ST18: variants seen among roughly 807,000 people sequenced by gnomAD.
The protein encoded by ST18 is ST18 C2H2C-type zinc finger transcription factor.
ST18 carries 50 observed loss-of-function variants against 110.0 expected under a neutral mutation model. The ratio of observed to expected loss-of-function variants is 0.45; its 90% CI spans 0.36 to 0.58. The LOEUF (loss-of-function observed/expected upper bound fraction) is 0.58. Among genes scored for constraint, ST18 ranks in the 20% least tolerant of loss-of-function variants. The pLI is 0.00. For missense variants in ST18, 1,306 were observed against 1,280.1 expected, an observed-to-expected ratio of 1.02 and a Z score of -0.31; for synonymous variants, 461 against 452.4, an observed-to-expected ratio of 1.02 and a Z score of -0.24.
At chr8:52,114,692 C>G (rs1278072750) in intron 25 of ST18, among the ~76,000 whole-genome samples, 1 of 152,144 alleles carries the variant, frequency 6.6e-6, no homozygotes, top group Non-Finnish European at 1.5e-5. Flanking sequence ...ACCCAGGTAG[C>G]ACAGTGGGTA....
At chr8:52,362,798 G>A (rs117226973) in intron 2 of ST18, among the ~76,000 whole-genome samples, 2,368 of 152,134 alleles carry the variant, frequency 0.016, 23 homozygotes, top group Non-Finnish European at 0.025. Context: ...TCCCCTGTAG[G>A]GTCCTTCTTA....
intron 2 of ST18, among the ~76,000 whole-genome samples, chr8:52,372,034 G>A (rs1219906220): frequency 6.6e-6 from 1 of 152,084 alleles, no homozygotes; most frequent in Non-Finnish European, 1.5e-5. Context: ...CCTTCAGGAG[G>A]GATTACAGAA....
chr8:52,317,823 T>C (rs987366414), intron 2 of ST18, among the ~76,000 whole-genome samples: 3 of 152,256 alleles, frequency 2.0e-5, no homozygotes, highest in African/African-American at 7.2e-5. Flanking sequence ...TAGTTTACCA[T>C]GTCCGTTTGA....
chr8:52,287,917 G>C (rs1474857584), intron 2 of ST18, among the ~76,000 whole-genome samples: 1 of 152,170 alleles, frequency 6.6e-6, no homozygotes, highest in Admixed American at 6.5e-5. Context: ...GGACCAAGCT[G>C]AAAGCTCTAA....
intron 17 of ST18, among the ~76,000 whole-genome samples, chr8:52,138,209 A>T (rs1414790305): frequency 6.6e-6 from 1 of 152,174 alleles, no homozygotes; most frequent in Non-Finnish European, 1.5e-5. Flanking sequence ...CACCCATTAT[A>T]TGACATATTC....
chr8:52,180,450 A>G (rs1020509141), intron 8 of ST18, 138 bp from the exon 9 acceptor site: 1 of 822,310 alleles, frequency 1.2e-6, no homozygotes, highest in Non-Finnish European at 1.9e-6. Context: ...GCACTAACAA[A>G]AACATCCCAT....
At chr8:52,143,084 A>G (rs754918749) in intron 16 of ST18, 39 bp from the exon 17 acceptor site, 2 of 1,335,554 alleles carry the variant, frequency 1.5e-6, no homozygotes, top group South Asian at 1.2e-5. Flanking sequence ...CACAGAAGCC[A>G]TTAGGGAACC....
In ST18 at chr8:52,185,237, C is replaced by T. The variant is rs117434098; in HGVS notation, c.87-4925G>A. 7.7e-3 allele frequency among the ~76,000 whole-genome samples: 1,169 copies of T among 152,094 alleles called. 11 individuals are homozygous for T. The highest frequency in any genetic ancestry group is 0.027 in the Middle Eastern group (8 of 292). Reference sequence around the variant, plus strand: ...GGAATAAATCTAACAGATGTACAAACCTATACACAGTAAAGAACATAGTGA... The same window carrying T: ...GGAATAAATCTAACAGATGTACAAATCTATACACAGTAAAGAACATAGTGA... On this transcript the variant is annotated intron_variant, in intron 8 of 25. Coordinates refer to ENST00000689386, the MANE Select transcript of ST18 (RefSeq NM_001352837.2).
chr8:52,205,096 T>G (rs779499373), intron 8 of ST18, among the ~76,000 whole-genome samples: 2 of 143,972 alleles, frequency 1.4e-5, no homozygotes, highest in African/African-American at 5.2e-5. Context: ...TACATATATA[T>G]ATACACACAC....
intron 2 of ST18, among the ~76,000 whole-genome samples, chr8:52,235,213 A>T (rs945971749): frequency 1.3e-5 from 2 of 152,214 alleles, no homozygotes; most frequent in Admixed American, 6.5e-5. Context: ...AATGCTCCTT[A>T]AAGGAAATTC....
At chr8:52,151,395 G>A (rs148078502) in intron 15 of ST18, among the ~76,000 whole-genome samples, 1 of 152,270 alleles carries the variant, frequency 6.6e-6, no homozygotes, top group East Asian at 1.9e-4. Flanking sequence ...GTTGTACTAA[G>A]ATGCTTTGGC....
At chr8:52,186,634 T>G (rs1238483642) in intron 8 of ST18, among the ~76,000 whole-genome samples, 2 of 152,140 alleles carry the variant, frequency 1.3e-5, no homozygotes, top group Non-Finnish European at 2.9e-5. Flanking sequence ...CAGTAGTCTC[T>G]CCCATACCGG....
rs763259250 is a variant in ST18, at chr8:52,172,526, G to T, written c.335C>A (p.Ser112Tyr). ...AGAGTATCTGTCTTCCTTCCTACTG[G>T]AGTTTTCTTGTGCAGTTGAAAGAAG... ...ESLLSTAQEN[S>Y]SRKEDRYSCY... is the part of the protein sequence containing the mutation. Residue 112 changes from serine to tyrosine, a missense_variant, in exon 10 of 26, where the codon TCC becomes TAC. By Grantham distance (144) the Ser-to-Tyr change is moderately radical. Transcript: ENST00000689386. The T allele has an allele frequency of 2.0e-5, 33 of 1,610,508 alleles. No individual in the cohort carries two copies. Among genetic ancestry groups the T allele is most frequent in the Non-Finnish European group, 2.8e-5 (33 of 1,179,198 alleles).
chr8:52,122,166 G>C (rs2045165335), intron 23 of ST18, among the ~76,000 whole-genome samples: 1 of 152,012 alleles, frequency 6.6e-6, no homozygotes, highest in African/African-American at 2.4e-5. Context: ...TTACTTAACT[G>C]TTCAGTGACT....
chr8:52,124,131 C>A (rs2046060497), intron 23 of ST18, among the ~76,000 whole-genome samples: 1 of 152,100 alleles, frequency 6.6e-6, no homozygotes, highest in Admixed American at 6.6e-5. Context: ...CAGGGTTGCT[C>A]CATCTTGCAT....
intron 2 of ST18, among the ~76,000 whole-genome samples, chr8:52,367,236 T>TCACACACACACACACACACACACACA (rs748933981): frequency 6.7e-5 from 8 of 120,270 alleles, no homozygotes; most frequent in African/African-American, 1.5e-4. Flanking sequence ...GGACCCTGTC[T>TCACACACACACACACACACACACACA]CACACACACA....
intron 2 of ST18, among the ~76,000 whole-genome samples, chr8:52,390,899 C>T (rs987511486): frequency 6.6e-6 from 1 of 152,252 alleles, no homozygotes; most frequent in Non-Finnish European, 1.5e-5. Context: ...GCAGAGGCCA[C>T]TTGGTAAAAC....
At chr8:52,372,834 T>G (rs888358573) in intron 2 of ST18, among the ~76,000 whole-genome samples, 3 of 152,220 alleles carry the variant, frequency 2.0e-5, no homozygotes, top group African/African-American at 7.2e-5. Context: ...ATCCCCATTG[T>G]TAAGTGACAC....
intron 3 of ST18, among the ~76,000 whole-genome samples, chr8:52,225,664 A>G (rs1422962402): frequency 6.6e-6 from 1 of 152,200 alleles, no homozygotes; most frequent in Non-Finnish European, 1.5e-5. Context: ...CGAGTGGGAA[A>G]TGTCCGTGTT....
Sources: allele counts gnomAD v4.1 joint callset (sites outside exome capture counted in the v4.1 genomes callset), GRCh38; gene constraint gnomAD v4.1.1; transcripts MANE v1.5; gene names NCBI Gene and HGNC (gene_info 2026-07-23, HGNC 2026-07-21).